LRFN5: variants seen among roughly 807,000 people sequenced by gnomAD.
The protein encoded by LRFN5 is leucine rich repeat and fibronectin type III domain containing 5.
In LRFN5, 24 loss-of-function variants were observed where a neutral mutation model predicts 45.6. The observed-to-expected ratio is 0.53, with a 90% confidence interval of 0.38 to 0.74. LRFN5 has a LOEUF of 0.74. Among genes scored for constraint, LRFN5 ranks in the 30% least tolerant of loss-of-function variants. LRFN5 has a pLI of 0.00. For missense variants in LRFN5, 776 were observed against 861.5 expected, an observed-to-expected ratio of 0.90 and a Z score of 1.24; for synonymous variants, 340 against 313.8, an observed-to-expected ratio of 1.08 and a Z score of -0.88.
intron 1 of LRFN5, among the ~76,000 whole-genome samples, chr14:41,723,107 G>A (rs1883794930): frequency 6.6e-6 from 1 of 152,198 alleles, no homozygotes; most frequent in Non-Finnish European, 1.5e-5. Flanking sequence ...GTGAGGTGTA[G>A]AAGACCCCAG....
intron 1 of LRFN5, among the ~76,000 whole-genome samples, chr14:41,611,284 A>AT (rs2138537490): frequency 6.6e-6 from 1 of 152,346 alleles, no homozygotes; most frequent in African/African-American, 2.4e-5. Context: ...TTACATGCAC[A>AT]GAAGTTCCTA....
intron 2 of LRFN5, among the ~76,000 whole-genome samples, chr14:41,885,680 C>A (rs1890543156): frequency 6.6e-6 from 1 of 151,926 alleles, no homozygotes; most frequent in African/African-American, 2.4e-5. Context: ...AAACATTCAA[C>A]CTTGTTATTT....
intron 1 of LRFN5, among the ~76,000 whole-genome samples, chr14:41,740,418 T>A (rs1377804174): frequency 6.6e-6 from 1 of 151,890 alleles, no homozygotes; most frequent in Non-Finnish European, 1.5e-5. Context: ...TACACTATAT[T>A]AACAAAATGA....
chr14:41,711,821 C>T (rs981268058), intron 1 of LRFN5, among the ~76,000 whole-genome samples: 2 of 152,138 alleles, frequency 1.3e-5, no homozygotes, highest in Non-Finnish European at 2.9e-5. Flanking sequence ...GAATTAGACT[C>T]TCCATGTTCT....
intron 1 of LRFN5, among the ~76,000 whole-genome samples, chr14:41,680,495 A>C (rs1184811750): frequency 6.6e-6 from 1 of 152,186 alleles, no homozygotes; most frequent in Non-Finnish European, 1.5e-5. Flanking sequence ...ATTCTTCCAG[A>C]TCTTATCGGA....
chr14:41,807,643 C>T (rs182852386), intron 2 of LRFN5, among the ~76,000 whole-genome samples: 1 of 152,156 alleles, frequency 6.6e-6, no homozygotes, highest in East Asian at 1.9e-4. Context: ...ACCACCCTGT[C>T]TGCTGGGAGG....
At position 41,886,900 on chromosome 14, in the gene LRFN5, C is replaced by T; in HGVS notation, c.275C>T (p.Pro92Leu). The change falls in exon 3 of 6, where the codon CCT (proline) becomes CTT (leucine). Residue 92 changes from proline (P) to leucine (L), a missense_variant. Physicochemically the swap from Pro to Leu is moderately conservative, Grantham distance 98. Transcript: ENST00000298119. ...LSRNTISFIT[P>L]HAFADLRNLR... ...AGGAATACAATAAGTTTTATTACAC[C>T]TCATGCTTTCGCTGACCTACGAAAT... 1.1e-5 allele frequency: 17 copies of T among 1,614,208 alleles called. No individual in the cohort carries two copies. The highest frequency in any genetic ancestry group is 1.4e-5 in the Non-Finnish European group (17 of 1,180,036).
chr14:41,778,418 A>C (rs1886369044), intron 2 of LRFN5, among the ~76,000 whole-genome samples: 1 of 151,744 alleles, frequency 6.6e-6, no homozygotes, highest in South Asian at 2.1e-4. Flanking sequence ...GGACTATTTT[A>C]TAGTTTTACA....
chr14:41,755,230 A>G lies in LRFN5; in HGVS notation c.-196-11624A>G, dbSNP rs928760619. On this transcript the variant is annotated intron_variant, in intron 1 of 5. Transcript: ENST00000298119. Reference sequence around the variant, plus strand: ...TCAGTGCAGTGTGGTGCTGAGAAGAATGTATATTGTGTTGATTTGGGGTGG... The same window carrying G: ...TCAGTGCAGTGTGGTGCTGAGAAGAGTGTATATTGTGTTGATTTGGGGTGG... Among the ~76,000 whole-genome samples the G allele has an allele frequency of 2.0e-5, 3 of 152,316 alleles. No individual in the cohort carries two copies. In the East Asian group the frequency reaches 5.8e-4, roughly 29 times the overall value.
chr14:41,781,246 G>T (rs1886470748), intron 2 of LRFN5, among the ~76,000 whole-genome samples: 1 of 152,100 alleles, frequency 6.6e-6, no homozygotes, highest in Non-Finnish European at 1.5e-5. Flanking sequence ...CTAAGGCCAA[G>T]TGTGTTGGTT....
chr14:41,684,041 C>G (rs115165724), intron 1 of LRFN5, among the ~76,000 whole-genome samples: 48 of 152,270 alleles, frequency 3.2e-4, no homozygotes, highest in African/African-American at 1.1e-3. Context: ...TACTTGACTT[C>G]AAATTATACT....
intron 1 of LRFN5, among the ~76,000 whole-genome samples, chr14:41,761,489 AC>A (rs1885666384): frequency 6.6e-6 from 1 of 152,174 alleles, no homozygotes; most frequent in Non-Finnish European, 1.5e-5. Flanking sequence ...GTGTGACCAT[AC>A]TATCTGTCTG....
At chr14:41,673,841 C>CG (rs1881401893) in intron 1 of LRFN5, among the ~76,000 whole-genome samples, 1 of 145,824 alleles carries the variant, frequency 6.9e-6, no homozygotes, top group South Asian at 2.2e-4. Flanking sequence ...GATGGCCGGG[C>CG]GGGGGGCTGA....
intron 1 of LRFN5, among the ~76,000 whole-genome samples, chr14:41,707,925 T>C (rs1057464531): frequency 7.9e-5 from 12 of 152,070 alleles, no homozygotes; most frequent in African/African-American, 2.9e-4. Flanking sequence ...GGTATTGACC[T>C]AATTAAAAGA....
intron 1 of LRFN5, among the ~76,000 whole-genome samples, chr14:41,670,195 T>C (rs1446048537): frequency 1.7e-5 from 2 of 115,934 alleles, no homozygotes; most frequent in Admixed American, 9.0e-5. Context: ...TATATATATA[T>C]ACATTCTCTG....
chr14:41,792,683 G>C (rs527461155), intron 2 of LRFN5, among the ~76,000 whole-genome samples: 1 of 151,916 alleles, frequency 6.6e-6, no homozygotes, highest in Non-Finnish European at 1.5e-5. Context: ...AGACCTTAGG[G>C]TTGTCTTCCC....
chr14:41,650,021 G>A (rs1180104790), intron 1 of LRFN5, among the ~76,000 whole-genome samples: 1 of 152,124 alleles, frequency 6.6e-6, no homozygotes, highest in Non-Finnish European at 1.5e-5. Context: ...AGATTTCACT[G>A]TGTAAACATT....
At chr14:41,808,699 A>G (rs1278495532) in intron 2 of LRFN5, among the ~76,000 whole-genome samples, 1 of 152,102 alleles carries the variant, frequency 6.6e-6, no homozygotes, top group African/African-American at 2.4e-5. Flanking sequence ...ACACTAAAAC[A>G]AGATAAATCA....
intron 2 of LRFN5, among the ~76,000 whole-genome samples, chr14:41,828,876 A>G (rs769736529): frequency 6.6e-6 from 1 of 151,902 alleles, no homozygotes; most frequent in Non-Finnish European, 1.5e-5. Flanking sequence ...ACCTGATGCA[A>G]TTTCCTTACA....
Sources: gnomAD v4.1 joint callset for allele counts (sites outside exome capture counted in the v4.1 genomes callset) on GRCh38, gnomAD v4.1.1 for gene constraint, MANE v1.5 for transcripts, NCBI Gene and HGNC (gene_info 2026-07-23, HGNC 2026-07-21) for gene names.